Variants in FMR1 observed in about 807,000 individuals in gnomAD.
FMR1 encodes the protein fragile X messenger ribonucleoprotein 1.
FMR1 carries 13 observed loss-of-function variants against 50.6 expected under a neutral mutation model. That is an observed-to-expected ratio of 0.26 (90% CI 0.17 to 0.41). The LOEUF is 0.41. FMR1 is among the 10% of genes least tolerant of loss of function. The pLI, the probability that FMR1 is intolerant of heterozygous loss-of-function variation, is 1.00. For missense variants in FMR1, 316 were observed against 491.3 expected, an observed-to-expected ratio of 0.64 and a Z score of 3.37; for synonymous variants, 138 against 164.1, an observed-to-expected ratio of 0.84 and a Z score of 1.22.
chrX:147,923,429 T>C, intron 2 of FMR1, among the ~76,000 whole-genome samples: 1 of 112,150 alleles, frequency 8.9e-6, no homozygotes, highest in Middle Eastern at 4.6e-3. Flanking sequence ...TTATACACTT[T>C]ATCTACTTAC....
At chrX:147,942,071 A>G (rs1557181037) in intron 13 of FMR1, among the ~76,000 whole-genome samples, 1 of 112,711 alleles carries the variant, frequency 8.9e-6, no homozygotes, top group Admixed American at 9.4e-5. Context: ...TGTAAAACAG[A>G]TTCTGGTGTA....
intron 1 of FMR1, among the ~76,000 whole-genome samples, chrX:147,921,637 A>G (rs782763703): frequency 9.0e-6 from 1 of 111,560 alleles, no homozygotes; most frequent in South Asian, 3.7e-4. Flanking sequence ...CCAGCTTTGC[A>G]CTCACTACCA....
At chrX:147,924,008 C>T (rs2043288752) in intron 2 of FMR1, among the ~76,000 whole-genome samples, 1 of 111,661 alleles carries the variant, frequency 9.0e-6, no homozygotes. Flanking sequence ...TAGGTGCTTC[C>T]TAAACCTTCC....
intron 1 of FMR1, among the ~76,000 whole-genome samples, chrX:147,916,647 A>T (rs1323523946): frequency 1.9e-3 from 94 of 48,923 alleles, no homozygotes; most frequent in Admixed American, 4.7e-3. Flanking sequence ...TCTTTCCTTC[A>T]TTTCTCTCCT....
rs782090500 is a variant in FMR1 at position 147,930,206 on chromosome X, C to T, written c.592C>T (p.Leu198=). ...HFRSLRTKLS[L]IMRNEEASKQ... ...TCGGAGTCTGCGCACTAAGTTGTCT[C>T]TGATAATGAGAAATGAAGAAGCTAG... Residue 198 remains leucine (L), a synonymous_variant, in exon 7 of 17, where the codon CTG becomes TTG. Transcript: ENST00000370475. 2 of 1,203,637 alleles carry T rather than the reference C, an allele frequency of 1.7e-6. No homozygotes were observed. Among genetic ancestry groups the T allele is most frequent in the African/African-American group, 3.5e-5 (2 of 56,989 alleles).
At chrX:147,935,172 C>G (rs1377081791) in intron 9 of FMR1, among the ~76,000 whole-genome samples, 1 of 111,926 alleles carries the variant, frequency 8.9e-6, no homozygotes, top group Admixed American at 9.5e-5. Context: ...TAGCTTCTCT[C>G]ACCTCACCTT....
chrX:147,917,046 G>A (rs1273499774), intron 1 of FMR1, among the ~76,000 whole-genome samples: 1 of 112,260 alleles, frequency 8.9e-6, no homozygotes, highest in Non-Finnish European at 1.9e-5. Flanking sequence ...TCTTTAGGAG[G>A]GATATTTTAC....
At chrX:147,917,220 T>A (rs1307084647) in intron 1 of FMR1, among the ~76,000 whole-genome samples, 1 of 111,936 alleles carries the variant, frequency 8.9e-6, no homozygotes, top group East Asian at 2.8e-4. Flanking sequence ...GTGGTTCCTG[T>A]TGGTAAGATA....
chrX:147,943,289 T>C lies in FMR1; in HGVS notation c.1434T>C (p.Asn478=), dbSNP rs1557181284. The change falls in exon 14 of 17, where the codon AAT becomes AAC. Residue 478 remains asparagine (N), a synonymous_variant. Transcript: ENST00000370475. ...GTCGAGGTAGTAGACCTTACAGAAA[T>C]AGGGGGCACGGCAGACGCGGTCCTG... ...GMGRGSRPYR[N]RGHGRRGPGY... The C allele has an allele frequency of 8.3e-7, 1 of 1,210,538 alleles. No homozygotes were observed. Among genetic ancestry groups the C allele is most frequent in the South Asian group, 1.8e-5 (1 of 56,945 alleles).
At chrX:147,920,930 A>G (rs1557176278) in intron 1 of FMR1, among the ~76,000 whole-genome samples, 1 of 111,937 alleles carries the variant, frequency 8.9e-6, no homozygotes, top group African/African-American at 3.3e-5. Context: ...CACAAATTCT[A>G]AGGATATGAA....
At chrX:147,937,714 T>A in intron 11 of FMR1, 114 bp downstream of exon 11, 2 of 536,238 alleles carry the variant, frequency 3.7e-6, no homozygotes, top group Non-Finnish European at 6.7e-6. Context: ...TGTTCTATTT[T>A]TTTTCCAAAT....
At position 147,950,233 on chromosome X, in the gene FMR1, T is replaced by C. The variant is rs782265911; in HGVS notation, c.*1389T>C. On this transcript the variant is annotated 3_prime_UTR_variant, in exon 17 of 17. Coordinates refer to ENST00000370475, the MANE Select transcript of FMR1 (RefSeq NM_002024.6). ...CTGAAGTTCTGCCTCTGATGTATTT[T>C]GTGAGTTTGTTTCTTTGAATTTTCA... 2.1e-5 allele frequency: 7 copies of C among 327,793 alleles called. No homozygotes were observed. Among genetic ancestry groups the C allele is most frequent in the Non-Finnish European group, 4.1e-5 (7 of 169,578 alleles). The allele number at this position is 327,793 out of a possible 1,213,427, so 27.0% of individuals were successfully genotyped here.
chrX:147,948,462 A>G, intron 16 of FMR1: 1 of 1,035,697 alleles, frequency 9.7e-7, no homozygotes, highest in African/African-American at 1.9e-5. Flanking sequence ...GGATGCAGTG[A>G]GATGACCAGT....
At chrX:147,921,903 C>G (rs2043187704) in intron 1 of FMR1, 30 bp from the exon 2 acceptor site, 1 of 1,013,996 alleles carries the variant, frequency 9.9e-7, no homozygotes, top group Admixed American at 2.2e-5. Flanking sequence ...TTTAAGCTCA[C>G]AAGTTAATTT....
intron 7 of FMR1, among the ~76,000 whole-genome samples, chrX:147,931,957 T>G (rs1444714266): frequency 8.9e-6 from 1 of 111,982 alleles, no homozygotes; most frequent in Non-Finnish European, 1.9e-5. Context: ...AATGGCACTG[T>G]TTCCAGAAAA....
chrX:147,915,679 C>T (rs958202204), intron 1 of FMR1, among the ~76,000 whole-genome samples: 3 of 111,512 alleles, frequency 2.7e-5, no homozygotes, highest in African/African-American at 6.5e-5. Context: ...GAATGTGCTT[C>T]CTGAGAAGAT....
intron 12 of FMR1, chrX:147,940,187 G>GAA: frequency 2.7e-5 from 2 of 73,316 alleles, no homozygotes; most frequent in Non-Finnish European, 5.5e-5. Flanking sequence ...AAACAAAAAA[G>GAA]AAAAAAAAAA....
At chrX:147,922,189 G>T (rs1438373722) in intron 2 of FMR1, among the ~76,000 whole-genome samples, 1 of 111,905 alleles carries the variant, frequency 8.9e-6, no homozygotes. Flanking sequence ...GTCCCTTATT[G>T]TATGGTATTG....
At position 147,925,628 on chromosome X, in the gene FMR1, G is replaced by A; in HGVS notation, c.193G>A (p.Val65Ile). ...YNKDINESDE[V>I]EVYSRANEKE... The stretch of plus-strand genomic sequence containing the variant: ...TAAAGATATAAATGAAAGTGATGAA[G>A]TTGAGGTGAGTTTTCCCTGCCATAA... Residue 65 changes from valine (V) to isoleucine (I), a missense_variant, in exon 3 of 17, where the codon GTT becomes ATT. Val to Ile is a conservative substitution (Grantham distance 29). This residue lies in a region of FMR1 where 124 missense variants were observed against 238.1 expected (regional missense o/e 0.52). Coordinates refer to ENST00000370475, the MANE Select transcript of FMR1 (RefSeq NM_002024.6). 2 of 1,153,850 alleles carry A rather than the reference G, an allele frequency of 1.7e-6. No homozygotes were observed.
Sources: allele counts gnomAD v4.1 joint callset (sites outside exome capture counted in the v4.1 genomes callset), GRCh38; gene constraint gnomAD v4.1.1; regional missense constraint gnomAD v4.1.1; transcripts MANE v1.5; gene names NCBI Gene and HGNC (gene_info 2026-07-23, HGNC 2026-07-21).